Variants in SLC67A2 observed in about 807,000 individuals in gnomAD.
SLC67A2 encodes solute carrier family 67 member A2.
chr2:102,720,673 C>T, the SLC67A2 span, among the ~76,000 whole-genome samples: 1 of 152,120 alleles, frequency 6.6e-6, no homozygotes, highest in Non-Finnish European at 1.5e-5. Flanking sequence ...AAATGGAAGA[C>T]AATTTGCCCA....
chr2:102,722,103 C>T, the SLC67A2 span, among the ~76,000 whole-genome samples: 20 of 152,254 alleles, frequency 1.3e-4, no homozygotes, highest in African/African-American at 3.4e-4. Flanking sequence ...ACAAAGAGAA[C>T]GTAAGCAGTA....
At chr2:102,718,255 G>GGCATGGCT in the SLC67A2 span, 1 of 740,876 alleles carries the variant, frequency 1.3e-6, no homozygotes, top group Non-Finnish European at 2.2e-6. Context: ...TCATCCTGCA[G>GGCATGGCT]GCATGGCTGC....
the SLC67A2 span, chr2:102,718,130 G>T: frequency 2.9e-6 from 1 of 343,752 alleles, no homozygotes. Flanking sequence ...CTTGAAAATT[G>T]TAACCTGATT....
chr2:102,736,846 C>G, the SLC67A2 span: 2 of 1,568,588 alleles, frequency 1.3e-6, no homozygotes, highest in Non-Finnish European at 1.7e-6. Context: ...CAGCAGCAGC[C>G]GCGGACCTAC....
chr2:102,718,859 C>A, the SLC67A2 span: 1 of 1,613,930 alleles, frequency 6.2e-7, no homozygotes, highest in Admixed American at 1.7e-5. Context: ...CCCCAGCATG[C>A]TGCTGTAACT....
the SLC67A2 span, among the ~76,000 whole-genome samples, chr2:102,720,928 A>G: frequency 6.6e-6 from 1 of 152,202 alleles, no homozygotes; most frequent in African/African-American, 2.4e-5. Flanking sequence ...TGTTCACTGC[A>G]CTGAATGGCC....
the SLC67A2 span, chr2:102,718,363 C>A: frequency 1.4e-5 from 22 of 1,588,504 alleles, 1 homozygote; most frequent in South Asian, 2.2e-4. Flanking sequence ...TTCATCATGG[C>A]CTCCGGCCCT....
chr2:102,719,306 T>C, the SLC67A2 span: 1 of 1,243,850 alleles, frequency 8.0e-7, no homozygotes, highest in South Asian at 1.5e-5. Flanking sequence ...AGATTACTAA[T>C]CTATATTTTG....
At chr2:102,724,007 A>ATC in the SLC67A2 span, 87 of 1,033,486 alleles carry the variant, frequency 8.4e-5, no homozygotes, top group East Asian at 2.1e-3. Context: ...TGGAGTTCTG[A>ATC]TCTCTGGTTT....
the SLC67A2 span, among the ~76,000 whole-genome samples, chr2:102,734,603 G>A: frequency 6.6e-6 from 1 of 151,924 alleles, no homozygotes; most frequent in Middle Eastern, 3.4e-3. Flanking sequence ...CATCTGTTAG[G>A]TAGCTTTATG....
At chr2:102,727,200 A>C in the SLC67A2 span, among the ~76,000 whole-genome samples, 276 of 152,250 alleles carry the variant, frequency 1.8e-3, 1 homozygote, top group African/African-American at 6.3e-3. Flanking sequence ...AAAAACAAAC[A>C]AACAAAAAAG....
At chr2:102,719,081 C>A in the SLC67A2 span, 5 of 1,614,212 alleles carry the variant, frequency 3.1e-6, no homozygotes, top group East Asian at 2.2e-5. Flanking sequence ...CCTGGCTCTG[C>A]GGCTGGTGGC....
the SLC67A2 span, among the ~76,000 whole-genome samples, chr2:102,732,629 T>C: frequency 6.6e-6 from 1 of 152,198 alleles, no homozygotes; most frequent in Non-Finnish European, 1.5e-5. Flanking sequence ...TCAAGGAGGA[T>C]ATGCTACAGA....
At chr2:102,723,096 C>A in the SLC67A2 span, among the ~76,000 whole-genome samples, 1 of 152,184 alleles carries the variant, frequency 6.6e-6, no homozygotes, top group Non-Finnish European at 1.5e-5. Context: ...AAAACCACAA[C>A]GAAAAATCAC....
the SLC67A2 span, among the ~76,000 whole-genome samples, chr2:102,730,277 TG>T: frequency 6.6e-6 from 1 of 152,184 alleles, no homozygotes; most frequent in Non-Finnish European, 1.5e-5. Context: ...CTTGAATTCC[TG>T]GGCTCAAGCG....
At chr2:102,715,246 C>T in the SLC67A2 span, among the ~76,000 whole-genome samples, 1 of 152,212 alleles carries the variant, frequency 6.6e-6, no homozygotes, top group East Asian at 1.9e-4. Context: ...ATTCTTCCGT[C>T]ATTCCCCTTC....
the SLC67A2 span, among the ~76,000 whole-genome samples, chr2:102,721,707 A>G: frequency 6.6e-6 from 1 of 151,346 alleles, no homozygotes; most frequent in Admixed American, 6.6e-5. Context: ...GTATGTATAT[A>G]TGTATGTCTT....
chr2:102,735,675 G>A, the SLC67A2 span, among the ~76,000 whole-genome samples: 4 of 152,150 alleles, frequency 2.6e-5, no homozygotes, highest in African/African-American at 9.7e-5. Context: ...ACCAACATCA[G>A]CTTACTTGTA....
the SLC67A2 span, chr2:102,726,864 G>T: frequency 6.2e-7 from 1 of 1,608,586 alleles, no homozygotes; most frequent in Non-Finnish European, 8.5e-7. Flanking sequence ...CTCTAGCCAG[G>T]ACAAACAGAA....
Sources: gnomAD v4.1 joint callset for allele counts (sites outside exome capture counted in the v4.1 genomes callset) on GRCh38, gnomAD v4.1.1 for gene constraint, MANE v1.5 for transcripts, NCBI Gene and HGNC (gene_info 2026-07-23, HGNC 2026-07-21) for gene names.